PHF21B: variants seen among roughly 807,000 people sequenced by gnomAD.
PHF21B encodes the protein PHD finger protein 21B.
In PHF21B, 22 loss-of-function variants were observed where a neutral mutation model predicts 62.2. The ratio of observed to expected loss-of-function variants is 0.35; its 90% CI spans 0.25 to 0.51. The LOEUF is 0.51. PHF21B is among the 20% of genes least tolerant of loss of function. The probability of loss-of-function intolerance (pLI) is 0.97; values close to 1 mark genes in which losing one functional copy is unlikely to be tolerated. For missense variants in PHF21B, 701 were observed against 707.9 expected (o/e 0.99, Z 0.11); for synonymous variants, 341 against 314.7 (o/e 1.08, Z -0.88).
intron 2 of PHF21B, among the ~76,000 whole-genome samples, chr22:44,972,033 G>T (rs908506828): frequency 6.6e-6 from 1 of 152,246 alleles, no homozygotes; most frequent in South Asian, 2.1e-4. Context: ...ACCCATACCG[G>T]CTGCACTGAA....
chr22:44,897,299 T>A (rs2071078293), intron 5 of PHF21B, among the ~76,000 whole-genome samples: 1 of 152,128 alleles, frequency 6.6e-6, no homozygotes, highest in Admixed American at 6.5e-5. Context: ...CCCGAGCCCC[T>A]ACCCTGCGGT....
rs1468241615 is a variant in PHF21B at position 44,916,447 on chromosome 22, G to C, written c.397C>G (p.Leu133Val). Residue 133 changes from leucine (L) to valine (V), a missense_variant, in exon 4 of 13, where the codon CTC (leucine) becomes GTC (valine). Transcript: ENST00000313237. ...VPAPGSQPQA[L>V]AEPAALASPL... ...GAGGCGAGGGCGGCGGGCTCGGCGA[G>C]GGCCTGGGGCTGGCTGCCGGGCGCT... 1 of 1,600,304 alleles carries C rather than the reference G, an allele frequency of 6.2e-7. No homozygotes were observed. The highest frequency in any genetic ancestry group is 1.3e-5 in the African/African-American group (1 of 74,700).
At chr22:44,930,217 G>C (rs1024623379) in intron 2 of PHF21B, among the ~76,000 whole-genome samples, 1 of 152,192 alleles carries the variant, frequency 6.6e-6, no homozygotes, top group African/African-American at 2.4e-5. Flanking sequence ...CCAGGGCTGG[G>C]TCTATCCCCA....
chr22:44,921,558 G>T (rs2071537833), intron 2 of PHF21B, among the ~76,000 whole-genome samples: 1 of 151,448 alleles, frequency 6.6e-6, no homozygotes, highest in South Asian at 2.1e-4. Context: ...GTAGAGACGG[G>T]GTTTCACCGT....
At chr22:44,944,438 TGG>T (rs1448421262) in intron 2 of PHF21B, among the ~76,000 whole-genome samples, 1 of 152,206 alleles carries the variant, frequency 6.6e-6, no homozygotes, top group Non-Finnish European at 1.5e-5. Flanking sequence ...AAGCACCCTC[TGG>T]ATTCTGGGAG....
chr22:45,001,755 C>T (rs2073223201), intron 2 of PHF21B: 1 of 152,354 alleles, frequency 6.6e-6, no homozygotes, highest in Non-Finnish European at 1.5e-5. Flanking sequence ...CACAATACCA[C>T]GTCAGGTGTG....
At chr22:44,985,064 G>T (rs2072921785) in intron 2 of PHF21B, among the ~76,000 whole-genome samples, 1 of 152,190 alleles carries the variant, frequency 6.6e-6, no homozygotes, top group South Asian at 2.1e-4. Flanking sequence ...AGGAACACAA[G>T]GAACTTCACT....
At chr22:44,984,865 C>A (rs1027680261) in intron 2 of PHF21B, among the ~76,000 whole-genome samples, 1 of 152,182 alleles carries the variant, frequency 6.6e-6, no homozygotes. Flanking sequence ...CGGACGGCAC[C>A]CTGGGCCTGA....
intron 2 of PHF21B, among the ~76,000 whole-genome samples, chr22:44,990,582 T>C (rs1894080173): frequency 6.6e-6 from 1 of 152,098 alleles, no homozygotes; most frequent in African/African-American, 2.4e-5. Flanking sequence ...AAAAGATAAA[T>C]TCAGTATATT....
At chr22:44,894,507 G>A (rs2071022883) in intron 6 of PHF21B, among the ~76,000 whole-genome samples, 1 of 152,176 alleles carries the variant, frequency 6.6e-6, no homozygotes, top group Non-Finnish European at 1.5e-5. Flanking sequence ...GTGGCACCGT[G>A]GTTTCGGTCA....
intron 2 of PHF21B, among the ~76,000 whole-genome samples, chr22:44,997,622 G>A (rs2073144176): frequency 6.6e-6 from 1 of 152,132 alleles, no homozygotes; most frequent in African/African-American, 2.4e-5. Flanking sequence ...TTAAATTCTG[G>A]ATCATAGTCT....
chr22:44,902,041 CCA>C (rs1465623159), intron 5 of PHF21B: 5 of 235,918 alleles, frequency 2.1e-5, no homozygotes, highest in Non-Finnish European at 3.6e-5. Context: ...TCACTGGACA[CCA>C]CAGAGGCAAG....
chr22:45,004,544 A>G (rs1266495540), intron 2 of PHF21B, among the ~76,000 whole-genome samples: 1 of 152,238 alleles, frequency 6.6e-6, no homozygotes, highest in African/African-American at 2.4e-5. Flanking sequence ...GCAATGTATA[A>G]TGATACTGTT....
intron 9 of PHF21B, among the ~76,000 whole-genome samples, chr22:44,889,050 G>A (rs1401979802): frequency 2.0e-5 from 3 of 152,236 alleles, no homozygotes; most frequent in South Asian, 2.1e-4. Flanking sequence ...TGCCATTGCA[G>A]GGCTATTGTG....
intron 5 of PHF21B, 100 bp from the exon 6 acceptor site, chr22:44,896,183 T>C (rs2071054610): frequency 1.5e-6 from 2 of 1,332,636 alleles, no homozygotes; most frequent in Admixed American, 1.7e-5. Flanking sequence ...CGATACCTCA[T>C]GGGTGCCCTA....
At chr22:45,000,812 G>A (rs1416084240) in intron 2 of PHF21B, 2 of 152,148 alleles carry the variant, frequency 1.3e-5, no homozygotes, top group Admixed American at 6.5e-5. Flanking sequence ...GTCAGAGCCC[G>A]GGCAGGGGGG....
intron 2 of PHF21B, among the ~76,000 whole-genome samples, chr22:44,985,909 C>CCACCATCACCATCAG (rs2072937585): frequency 6.6e-6 from 1 of 151,004 alleles, no homozygotes; most frequent in Non-Finnish European, 1.5e-5. Context: ...ACCATGAGCA[C>CCACCATCACCATCAG]CACCATCACC....
At position 44,929,592 on chromosome 22, in the gene PHF21B, G is replaced by A. The variant is rs552928451; in HGVS notation, c.121-9102C>T. Among the ~76,000 whole-genome samples the A allele has an allele frequency of 7.9e-5, 12 of 152,310 alleles. 1 individual carries two copies. The South Asian group carries it at 2.1e-3, about 26-fold the overall frequency. ...ATTTGAATTTGACTTCTGGACTGGC[G>A]CTGGTCATGCCAGACTCATTGCTCC... On this transcript the variant is annotated intron_variant, in intron 2 of 12. Coordinates refer to ENST00000313237, the MANE Select transcript of PHF21B (RefSeq NM_138415.5).
chr22:45,003,955 T>C (rs2073266008), intron 2 of PHF21B, among the ~76,000 whole-genome samples: 1 of 151,666 alleles, frequency 6.6e-6, no homozygotes, highest in Non-Finnish European at 1.5e-5. Flanking sequence ...TCATACTATA[T>C]AGTCATTTTA....
Sources: gnomAD v4.1 joint callset for allele counts (sites outside exome capture counted in the v4.1 genomes callset) on GRCh38, gnomAD v4.1.1 for gene constraint, MANE v1.5 for transcripts, NCBI Gene and HGNC (gene_info 2026-07-23, HGNC 2026-07-21) for gene names.